CNTNAP5: variants seen among roughly 807,000 people sequenced by gnomAD.
The protein encoded by CNTNAP5 is contactin-associated protein-like 5.
CNTNAP5 carries 72 observed loss-of-function variants against 150.2 expected under a neutral mutation model. The observed-to-expected ratio is 0.48, with a 90% CI of 0.40 to 0.58. CNTNAP5 has a LOEUF of 0.58. CNTNAP5 is among the 20% of genes least tolerant of loss of function. The pLI, the probability that CNTNAP5 is intolerant of heterozygous loss-of-function variation, is 0.00. For missense variants in CNTNAP5, 1,636 were observed against 1,626.2 expected, an observed-to-expected ratio of 1.01 and a Z score of -0.10; for synonymous variants, 672 against 619.8, an observed-to-expected ratio of 1.08 and a Z score of -1.25.
chr2:124,185,905 T>C (rs1431361724), intron 1 of CNTNAP5, among the ~76,000 whole-genome samples: 1 of 152,218 alleles, frequency 6.6e-6, no homozygotes, highest in Non-Finnish European at 1.5e-5. Flanking sequence ...TAATGAGCAG[T>C]TGCTTTATGT....
chr2:124,282,783 T>C (rs890486075), intron 3 of CNTNAP5, among the ~76,000 whole-genome samples: 3 of 152,182 alleles, frequency 2.0e-5, no homozygotes, highest in African/African-American at 7.2e-5. Context: ...GAACAGTTTT[T>C]CTAAAGTAGC....
intron 3 of CNTNAP5, among the ~76,000 whole-genome samples, chr2:124,322,778 C>T (rs1056250564): frequency 1.3e-5 from 2 of 152,140 alleles, no homozygotes; most frequent in African/African-American, 4.8e-5. Flanking sequence ...GGTGATGAAA[C>T]CATCACTTCC....
intron 12 of CNTNAP5, among the ~76,000 whole-genome samples, chr2:124,641,126 C>CAAAAAAAAAA (rs78602781): frequency 4.1e-5 from 4 of 98,498 alleles, no homozygotes; most frequent in East Asian, 3.7e-4. Context: ...AACTCCATCT[C>CAAAAAAAAAA]AAAAAAAAAA....
intron 3 of CNTNAP5, among the ~76,000 whole-genome samples, chr2:124,371,137 G>A (rs1690515276): frequency 6.6e-6 from 1 of 152,090 alleles, no homozygotes; most frequent in African/African-American, 2.4e-5. Context: ...TTCAGGGGAA[G>A]GTCAGAAAAT....
At chr2:124,865,681 C>T (rs554922593) in intron 20 of CNTNAP5, among the ~76,000 whole-genome samples, 4 of 152,310 alleles carry the variant, frequency 2.6e-5, no homozygotes, top group East Asian at 1.9e-4. Flanking sequence ...TGTGGTGGCT[C>T]ACACCTGCAA....
intron 3 of CNTNAP5, among the ~76,000 whole-genome samples, chr2:124,377,259 T>G (rs1031099456): frequency 6.6e-6 from 1 of 152,094 alleles, no homozygotes; most frequent in African/African-American, 2.4e-5. Flanking sequence ...ATAGAAGGAT[T>G]TATTCTTCAA....
At chr2:124,448,102 A>G (rs1394093777) in intron 6 of CNTNAP5, among the ~76,000 whole-genome samples, 1 of 151,816 alleles carries the variant, frequency 6.6e-6, no homozygotes, top group African/African-American at 2.4e-5. Context: ...CCCCGTCACT[A>G]CTAAAAACAC....
intron 11 of CNTNAP5, among the ~76,000 whole-genome samples, chr2:124,579,200 T>C (rs1696358518): frequency 6.6e-6 from 1 of 152,222 alleles, no homozygotes; most frequent in Non-Finnish European, 1.5e-5. Flanking sequence ...GCATCATTTG[T>C]TAGGTCCTTT....
chr2:124,781,409 G>A (rs1487573083), intron 17 of CNTNAP5, among the ~76,000 whole-genome samples: 1 of 152,144 alleles, frequency 6.6e-6, no homozygotes, highest in Non-Finnish European at 1.5e-5. Context: ...TTTATTTCCT[G>A]CCTCTCTCTT....
At chr2:124,896,083 G>T (rs1441423800) in intron 21 of CNTNAP5, among the ~76,000 whole-genome samples, 3 of 151,544 alleles carry the variant, frequency 2.0e-5, no homozygotes, top group Non-Finnish European at 4.4e-5. Context: ...GTATCAAAAT[G>T]CTGAGAATAA....
chr2:124,100,114 G>A (rs1284760757), intron 1 of CNTNAP5, among the ~76,000 whole-genome samples: 1 of 144,828 alleles, frequency 6.9e-6, no homozygotes, highest in Non-Finnish European at 1.6e-5. Context: ...GAGGCCTCAG[G>A]AAGCTTCCAA....
At chr2:124,457,815 CT>C (rs1333763760) in intron 6 of CNTNAP5, among the ~76,000 whole-genome samples, 2 of 151,976 alleles carry the variant, frequency 1.3e-5, no homozygotes, top group Non-Finnish European at 2.9e-5. Flanking sequence ...TGAAAAAATG[CT>C]CAATATCACT....
intron 5 of CNTNAP5, among the ~76,000 whole-genome samples, chr2:124,442,289 G>T (rs1166509935): frequency 6.6e-6 from 1 of 152,054 alleles, no homozygotes; most frequent in East Asian, 1.9e-4. Context: ...ATGCAAGAAG[G>T]GTACAGTGAA....
chr2:124,185,944 T>A (rs1685324017), intron 1 of CNTNAP5, among the ~76,000 whole-genome samples: 3 of 152,246 alleles, frequency 2.0e-5, no homozygotes, highest in Admixed American at 2.0e-4. Context: ...ATTTGTTTAC[T>A]TGTTAGCATA....
intron 11 of CNTNAP5, among the ~76,000 whole-genome samples, chr2:124,565,408 T>A (rs1274552585): frequency 2.0e-5 from 3 of 152,084 alleles, no homozygotes; most frequent in Non-Finnish European, 4.4e-5. Flanking sequence ...TATGAAGTGA[T>A]TATTATGCAT....
chr2:124,419,925 T>C (rs902141732), intron 4 of CNTNAP5, among the ~76,000 whole-genome samples: 1 of 129,404 alleles, frequency 7.7e-6, no homozygotes, highest in Non-Finnish European at 1.6e-5. Flanking sequence ...TCTTTCTTTC[T>C]TTCTTTCTTT....
At chr2:124,415,718 T>C (rs1691900924) in intron 3 of CNTNAP5, among the ~76,000 whole-genome samples, 1 of 152,150 alleles carries the variant, frequency 6.6e-6, no homozygotes, top group African/African-American at 2.4e-5. Flanking sequence ...ATCTTAAAGA[T>C]GAGGTATGAT....
At chr2:124,105,181 C>T (rs1045925217) in intron 1 of CNTNAP5, among the ~76,000 whole-genome samples, 2 of 152,128 alleles carry the variant, frequency 1.3e-5, no homozygotes, top group East Asian at 3.9e-4. Flanking sequence ...ACACTTCATT[C>T]CTTTTGAGGA....
At chr2:124,525,654 T>C (rs1469786039) in intron 9 of CNTNAP5, among the ~76,000 whole-genome samples, 1 of 152,120 alleles carries the variant, frequency 6.6e-6, no homozygotes, top group African/African-American at 2.4e-5. Flanking sequence ...TGTGGCTTGA[T>C]TTTAGGGTGA....
Sources: gnomAD v4.1 joint callset for allele counts (sites outside exome capture counted in the v4.1 genomes callset) on GRCh38, gnomAD v4.1.1 for gene constraint, MANE v1.5 for transcripts, NCBI Gene and HGNC (gene_info 2026-07-23, HGNC 2026-07-21) for gene names.